The following MS4A8 variants were observed in gnomAD, a reference collection of about 807,000 sequenced individuals.
MS4A8 encodes membrane spanning 4-domains A8.
Under a neutral mutation model 23.7 loss-of-function variants are expected in MS4A8, and 27 were observed. The observed-to-expected ratio is 1.14, with a 90% confidence interval of 0.84 to 1.57. The LOEUF (loss-of-function observed/expected upper bound fraction) is 1.57. Ranked by LOEUF, MS4A8 falls within the 40% of genes most tolerant of loss-of-function variation. The pLI is 0.00. For synonymous variants in MS4A8, 138 were observed against 126.3 expected (o/e 1.09, Z -0.62); for missense variants, 301 against 311.4 (o/e 0.97, Z 0.25).
At chr11:60,708,938 A>G in intron 5 of MS4A8, 157 bp downstream of exon 5, 1 of 790,682 alleles carries the variant, frequency 1.3e-6, no homozygotes, top group Non-Finnish European at 2.0e-6. Flanking sequence ...CTTGACCCAT[A>G]GCTTTAAGCA....
intron 1 of MS4A8, 145 bp downstream of exon 1, chr11:60,699,920 A>AAG (rs1394877458): frequency 2.0e-5 from 3 of 152,290 alleles, no homozygotes; most frequent in Non-Finnish European, 4.4e-5. Context: ...AAGAGAAAGA[A>AAG]AGAGAAAGAT....
chr11:60,708,779 G>C lies in MS4A8; in HGVS notation c.532G>C (p.Val178Leu). The C allele has an allele frequency of 6.2e-7, 1 of 1,613,964 alleles. No individual in the cohort carries two copies. ...YPDYYPYAWG[V>L]NPGMAISGVL... ...CGACTATTATCCTTACGCCTGGGGT[G>C]TGGTGAGTATCCCTCTCAACCAAAG... Residue 178 changes from valine to leucine, a missense_variant and splice_region_variant, in exon 5 of 7, where the codon GTG (valine) becomes CTG (leucine). By Grantham distance (32) the Val-to-Leu change is conservative (BLOSUM62 1). Transcript: ENST00000300226.
chr11:60,715,398 T>G lies in MS4A8; in HGVS notation c.737T>G (p.Ile246Ser). 6.2e-7 allele frequency: 1 copy of G among 1,613,580 alleles called. No homozygotes were observed. The highest frequency in any genetic ancestry group is 1.1e-5 in the South Asian group (1 of 91,038). ...VTSPPSYSSE[I>S]QANK ...TCACCACCAAGTTATTCCAGTGAGA[T>G]CCAAGCAAATAAGTAAGGCTACAGA... The change falls in exon 7 of 7, where the codon ATC (isoleucine) becomes AGC (serine). Residue 246 changes from isoleucine to serine, a missense_variant. Ile to Ser is a moderately radical substitution (Grantham distance 142, BLOSUM62 -2). Transcript: ENST00000300226.
At chr11:60,713,939 A>ACGGAGTCTCGCTCTGTCGC (rs1347564835) in intron 5 of MS4A8, among the ~76,000 whole-genome samples, 1 of 100,028 alleles carries the variant, frequency 1.0e-5, no homozygotes, top group African/African-American at 5.0e-5. Flanking sequence ...TTTTTTTGAG[A>ACGGAGTCTCGCTCTGTCGC]CGGAGTCTCG....
intron 2 of MS4A8, 87 bp downstream of exon 2, chr11:60,701,166 C>T: frequency 1.6e-6 from 2 of 1,263,834 alleles, no homozygotes; most frequent in Non-Finnish European, 2.3e-6. Flanking sequence ...TACACAAACA[C>T]TACATCCCGC....
chr11:60,701,151 G>A (rs2088200955), intron 2 of MS4A8, 72 bp downstream of exon 2: 2 of 1,413,928 alleles, frequency 1.4e-6, no homozygotes, highest in Admixed American at 3.7e-5. Context: ...GGAAGGCCTG[G>A]GAAATACACA....
At chr11:60,701,374 T>A (rs1356820259) in intron 2 of MS4A8, 1 of 528,180 alleles carries the variant, frequency 1.9e-6, no homozygotes, top group Non-Finnish European at 3.6e-6. Flanking sequence ...CCCTGTGGCC[T>A]CTGAAGAAAG....
intron 5 of MS4A8, among the ~76,000 whole-genome samples, chr11:60,710,740 C>T: frequency 6.6e-6 from 1 of 152,208 alleles, no homozygotes; most frequent in East Asian, 1.9e-4. Flanking sequence ...GTCCTTCCAG[C>T]AGCCTGAAGA....
chr11:60,715,356 C>G lies in MS4A8; in HGVS notation c.695C>G (p.Thr232Ser), dbSNP rs1411183112. The change falls in exon 7 of 7, where the codon ACC becomes AGC. Residue 232 changes from threonine to serine, a missense_variant. Transcript: ENST00000300226. Reference sequence around the variant, plus strand: ...ATCTATGCAGCAAACCCAGTGATCACCCCAGAACCGGTGACCTCACCACCA... The same window carrying G: ...ATCTATGCAGCAAACCCAGTGATCAGCCCAGAACCGGTGACCTCACCACCA... Reference protein sequence around the residue: ...PNIYAANPVITPEPVTSPPSY... With the variant: ...PNIYAANPVISPEPVTSPPSY... 9 of 1,613,926 alleles carry G rather than the reference C, an allele frequency of 5.6e-6. No homozygotes were observed. In the South Asian group the frequency reaches 9.9e-5, roughly 18 times the overall value.
chr11:60,715,381 A>T lies in MS4A8; in HGVS notation c.720A>T (p.Pro240=). ...CCCCAGAACCGGTGACCTCACCACC[A>T]AGTTATTCCAGTGAGATCCAAGCAA... ...VITPEPVTSP[P]SYSSEIQANK Residue 240 remains proline (P), a synonymous_variant, in exon 7 of 7, where the codon CCA becomes CCT. Coordinates refer to ENST00000300226, the MANE Select transcript of MS4A8 (RefSeq NM_031457.2). The T allele has an allele frequency of 6.2e-7, 1 of 1,613,990 alleles. No homozygotes were observed. The highest frequency in any genetic ancestry group is 8.5e-7 in the Non-Finnish European group (1 of 1,179,988).
At chr11:60,705,192 TC>T (rs1431661836) in intron 3 of MS4A8, among the ~76,000 whole-genome samples, 1 of 152,164 alleles carries the variant, frequency 6.6e-6, no homozygotes, top group Non-Finnish European at 1.5e-5. Context: ...CCCCTTTCCC[TC>T]CCACAACCAC....
chr11:60,708,712 C>T lies in MS4A8; in HGVS notation c.465C>T (p.Leu155=). 1 of 1,609,950 alleles carries T rather than the reference C, an allele frequency of 6.2e-7. No homozygotes were observed. Among genetic ancestry groups the T allele is most frequent in the Middle Eastern group, 1.7e-4 (1 of 6,030 alleles). ...TCTGCTCTGCAGTTGGAGTCATACTCTTCATCACAGATCTAAGTATTCCCC... is the reference window on the plus strand; with the variant it reads ...TCTGCTCTGCAGTTGGAGTCATACTTTTCATCACAGATCTAAGTATTCCCC... ...SAICSAVGVI[L]FITDLSIPHP... Residue 155 remains leucine (L), a synonymous_variant, in exon 5 of 7, where the codon CTC becomes CTT. Coordinates refer to ENST00000300226, the MANE Select transcript of MS4A8 (RefSeq NM_031457.2).
chr11:60,706,574 TG>T (rs1284168856), intron 3 of MS4A8, among the ~76,000 whole-genome samples: 1 of 152,170 alleles, frequency 6.6e-6, no homozygotes, highest in African/African-American at 2.4e-5. Flanking sequence ...GGTGTACTTG[TG>T]GGAAAATAAA....
intron 6 of MS4A8, 60 bp downstream of exon 6, chr11:60,715,194 A>T: frequency 1.3e-6 from 2 of 1,509,642 alleles, no homozygotes; most frequent in Non-Finnish European, 1.8e-6. Context: ...GAGACAAGGG[A>T]GCTCTTTGTG....
chr11:60,703,212 T>A lies in MS4A8; in HGVS notation c.220-166T>A, dbSNP rs1043595196. On this transcript the variant is annotated intron_variant, in intron 2 of 6. Transcript: ENST00000300226. The stretch of plus-strand genomic sequence containing the variant: ...CACCAAAATGTAAACAGTTGTTTTC[T>A]CCAGGCGGAGGGGAGATTACAGGTA... 11 of 748,118 alleles carry A rather than the reference T, an allele frequency of 1.5e-5. No homozygotes were observed. The African/African-American group carries it at 1.9e-4, about 13-fold the overall frequency. The allele number at this position is 748,118 out of a possible 1,614,324, so 46.3% of individuals were successfully genotyped here.
At position 60,701,094 on chromosome 11, in the gene MS4A8, C is replaced by T. The variant is rs761358171; in HGVS notation, c.219+15C>T. ...AAACCTTGGGGGTAAGTGAGATTTC[C>T]CTTTGCAGGCCACAGACTGCACAGC... On this transcript the variant is annotated intron_variant, in intron 2 of 6. Transcript: ENST00000300226. 1.9e-6 allele frequency: 3 copies of T among 1,609,156 alleles called. No individual in the cohort carries two copies. The highest frequency in any genetic ancestry group is 2.6e-6 in the Non-Finnish European group (3 of 1,175,996).
Position 60,700,956 on chromosome 11 carries a change from C to T in MS4A8, c.96C>T (p.His32=), listed in dbSNP as rs751725725. ...CTGTGACCCCAGGAATTATGTCTCACGTGCCCCTGTATCCAAACAGCCAGC... is the reference window on the plus strand; with the variant it reads ...CTGTGACCCCAGGAATTATGTCTCATGTGCCCCTGTATCCAAACAGCCAGC... ...GYPVTPGIMS[H]VPLYPNSQPQ... Residue 32 remains histidine, a synonymous_variant, in exon 2 of 7, where the codon CAC becomes CAT. Transcript: ENST00000300226. 4.2e-5 allele frequency: 68 copies of T among 1,614,194 alleles called. No homozygotes were observed. The highest frequency in any genetic ancestry group is 5.4e-5 in the Non-Finnish European group (64 of 1,180,032).
Position 60,701,036 on chromosome 11 carries a change from G to T in MS4A8, c.176G>T (p.Gly59Val). 6.2e-7 allele frequency: 1 copy of T among 1,614,174 alleles called. No homozygotes were observed. Among genetic ancestry groups the T allele is most frequent in the Non-Finnish European group, 8.5e-7 (1 of 1,180,034 alleles). The change falls in exon 2 of 7, where the codon GGG (glycine) becomes GTG (valine). Residue 59 changes from glycine (G) to valine (V), a missense_variant. Gly to Val is a moderately radical substitution (Grantham distance 109). Coordinates refer to ENST00000300226, the MANE Select transcript of MS4A8 (RefSeq NM_031457.2). ...CCTAGTTTGGTGTCGAATGTGAATG[G>T]GCAGCCTGTGCAGAAAGCTCTGAAA... ...NPPSLVSNVN[G>V]QPVQKALKEG...
chr11:60,701,364 C>T (rs2088203188), intron 2 of MS4A8: 1 of 544,436 alleles, frequency 1.8e-6, no homozygotes. Context: ...CCACGCCCAG[C>T]CCTGTGGCCT....
Sources: gnomAD v4.1 joint callset for allele counts (sites outside exome capture counted in the v4.1 genomes callset) on GRCh38, gnomAD v4.1.1 for gene constraint, MANE v1.5 for transcripts, NCBI Gene and HGNC (gene_info 2026-07-23, HGNC 2026-07-21) for gene names.